The following DTNBP1 variants were observed in gnomAD, a reference collection of about 807,000 sequenced individuals.
DTNBP1 encodes the protein dysbindin.
In DTNBP1, 35 loss-of-function variants were observed where a neutral mutation model predicts 42.8. The ratio of observed to expected loss-of-function variants is 0.82; its 90% CI spans 0.63 to 1.09. The LOEUF (loss-of-function observed/expected upper bound fraction) is 1.09, where lower values mean the gene tolerates loss of function less well. Ranked by LOEUF, DTNBP1 falls within the 50% of genes least tolerant of loss-of-function variation. DTNBP1 has a pLI of 0.00. For missense variants in DTNBP1, 457 were observed against 424.2 expected, an observed-to-expected ratio of 1.08 and a Z score of -0.68; for synonymous variants, 171 against 162.2, an observed-to-expected ratio of 1.05 and a Z score of -0.41.
chr6:15,619,665 A>T (rs939803232), intron 5 of DTNBP1, among the ~76,000 whole-genome samples: 6 of 152,096 alleles, frequency 3.9e-5, no homozygotes, highest in Non-Finnish European at 8.8e-5. Context: ...AAGTAAAAAA[A>T]AATTAATAAA....
intron 6 of DTNBP1, among the ~76,000 whole-genome samples, chr6:15,604,862 A>C (rs758203992): frequency 3.9e-5 from 6 of 152,240 alleles, no homozygotes; most frequent in Non-Finnish European, 8.8e-5. Flanking sequence ...ATGCATAAGC[A>C]CTAAATCTCA....
intron 7 of DTNBP1, 165 bp from the exon 8 acceptor site, chr6:15,533,560 A>C: frequency 3.5e-6 from 4 of 1,143,058 alleles, no homozygotes; most frequent in East Asian, 2.4e-5. Context: ...TTGTCCCCCA[A>C]TCTGCTGCAC....
intron 5 of DTNBP1, among the ~76,000 whole-genome samples, chr6:15,619,313 G>A (rs1410671340): frequency 6.6e-6 from 1 of 151,944 alleles, no homozygotes; most frequent in Admixed American, 6.6e-5. Flanking sequence ...AAATCACACT[G>A]TGCCCTATAA....
chr6:15,615,795 T>G (rs1420495196), intron 5 of DTNBP1, among the ~76,000 whole-genome samples: 6 of 152,258 alleles, frequency 3.9e-5, no homozygotes, highest in Non-Finnish European at 4.4e-5. Context: ...TAATTACACC[T>G]ATACTTAACT....
rs561220513 is a variant in DTNBP1, at chr6:15,565,552, T to C, written c.511+27507A>G. On this transcript the variant is annotated intron_variant, in intron 7 of 9. Transcript: ENST00000344537. Reference sequence around the variant, plus strand: ...ATAATATGGATGAACCTAGAAAATATTATGCTAAGTGAAAGAAGCCAAATA... The same window carrying C: ...ATAATATGGATGAACCTAGAAAATACTATGCTAAGTGAAAGAAGCCAAATA... Among the ~76,000 whole-genome samples the C allele has an allele frequency of 7.2e-5, 11 of 152,292 alleles. No homozygotes were observed. The East Asian group carries it at 1.4e-3, about 19-fold the overall frequency.
At chr6:15,646,349 A>G (rs1395948776) in intron 3 of DTNBP1, among the ~76,000 whole-genome samples, 1 of 151,784 alleles carries the variant, frequency 6.6e-6, no homozygotes, top group Non-Finnish European at 1.5e-5. Flanking sequence ...GAACTGTAAA[A>G]CACTGATGAA....
At chr6:15,557,708 A>G (rs1401794967) in intron 7 of DTNBP1, among the ~76,000 whole-genome samples, 1 of 152,186 alleles carries the variant, frequency 6.6e-6, no homozygotes, top group Non-Finnish European at 1.5e-5. Flanking sequence ...AGAGGCAGGA[A>G]AAAAGAGATT....
chr6:15,591,559 G>A (rs1473239542), intron 7 of DTNBP1, among the ~76,000 whole-genome samples: 2 of 152,190 alleles, frequency 1.3e-5, no homozygotes, highest in African/African-American at 2.4e-5. Context: ...TTGATGTGCT[G>A]TTAATTGTAC....
intron 4 of DTNBP1, among the ~76,000 whole-genome samples, chr6:15,628,367 C>G (rs565948794): frequency 3.5e-5 from 5 of 144,574 alleles, no homozygotes; most frequent in Non-Finnish European, 6.0e-5. Context: ...GTATTCAAAA[C>G]AGACAATTTG....
At chr6:15,636,338 A>G (rs1760021995) in intron 4 of DTNBP1, among the ~76,000 whole-genome samples, 1 of 151,844 alleles carries the variant, frequency 6.6e-6, no homozygotes, top group South Asian at 2.1e-4. Flanking sequence ...TTTATTAGAG[A>G]TGGGGTTTCA....
chr6:15,549,885 A>G (rs1404556267), intron 7 of DTNBP1, among the ~76,000 whole-genome samples: 1 of 152,194 alleles, frequency 6.6e-6, no homozygotes, highest in Admixed American at 6.5e-5. Flanking sequence ...GCTCAAGGAA[A>G]AAAGCTACAG....
intron 6 of DTNBP1, among the ~76,000 whole-genome samples, chr6:15,593,972 C>T (rs1338540936): frequency 6.6e-6 from 1 of 152,180 alleles, no homozygotes; most frequent in Non-Finnish European, 1.5e-5. Flanking sequence ...TAGCTGACTA[C>T]ACTCAACAGC....
In DTNBP1 at chr6:15,627,206, T is replaced by C. The variant is rs1055115900; in HGVS notation, c.355+137A>G. On this transcript the variant is annotated intron_variant, in intron 5 of 9. Coordinates refer to ENST00000344537, the MANE Select transcript of DTNBP1 (RefSeq NM_032122.5). ...CTGTGGAATCCTCAACTAATCAAAA[T>C]ATGAAATCATGATTTTCCAAAAAAT... 37 of 1,140,652 alleles carry C rather than the reference T, an allele frequency of 3.2e-5. 1 individual carries two copies. The highest frequency in any genetic ancestry group is 1.2e-4 in the Admixed American group (6 of 48,022). 70.7% of individuals were successfully genotyped at this position (1,140,652 alleles called of 1,614,324 possible).
intron 6 of DTNBP1, among the ~76,000 whole-genome samples, chr6:15,596,208 C>CG (rs972633453): frequency 3.9e-5 from 6 of 152,144 alleles, no homozygotes; most frequent in African/African-American, 1.4e-4. Context: ...GCATGCTAAC[C>CG]GGGGCAGTTC....
intron 4 of DTNBP1, among the ~76,000 whole-genome samples, chr6:15,635,798 A>G (rs1759974443): frequency 6.6e-6 from 1 of 152,100 alleles, no homozygotes; most frequent in South Asian, 2.1e-4. Context: ...GCTGCCTCAA[A>G]TTGCTGTTAA....
chr6:15,647,274 A>G (rs906266384), intron 3 of DTNBP1, among the ~76,000 whole-genome samples: 5 of 152,070 alleles, frequency 3.3e-5, no homozygotes, highest in African/African-American at 1.2e-4. Flanking sequence ...CATCAGAGCA[A>G]TGCAAATTAA....
In DTNBP1 at chr6:15,604,657, C is replaced by T. The variant is rs565041355; in HGVS notation, c.488+10610G>A. Among the ~76,000 whole-genome samples, 236 of 152,104 alleles carry T rather than the reference C, an allele frequency of 1.6e-3. 1 individual carries two copies. Among genetic ancestry groups the T allele is most frequent in the Non-Finnish European group, 2.9e-3 (194 of 68,014 alleles). ...TCTAGAACATACACTGGTCAAACGC[C>T]ACTACAGATACGCCATAATCTCTTA... is the stretch of plus-strand genomic sequence containing the variant. On this transcript the variant is annotated intron_variant, in intron 6 of 9. Transcript: ENST00000344537.
At chr6:15,640,033 C>T (rs1163530648) in intron 3 of DTNBP1, among the ~76,000 whole-genome samples, 1 of 152,152 alleles carries the variant, frequency 6.6e-6, no homozygotes, top group East Asian at 1.9e-4. Context: ...GCACCTAGTT[C>T]ATTCATGATT....
At chr6:15,524,819 C>T in intron 8 of DTNBP1, 150 bp from the exon 9 acceptor site, 1 of 1,210,142 alleles carries the variant, frequency 8.3e-7, no homozygotes, top group South Asian at 1.4e-5. Flanking sequence ...TGACATATGC[C>T]AGTCTGGCAC....
Sources: allele counts gnomAD v4.1 joint callset (sites outside exome capture counted in the v4.1 genomes callset), GRCh38; gene constraint gnomAD v4.1.1; transcripts MANE v1.5; gene names NCBI Gene and HGNC (gene_info 2026-07-23, HGNC 2026-07-21).